ARID1B: variants seen among roughly 807,000 people sequenced by gnomAD.
ARID1B encodes the protein AT-rich interaction domain 1B.
In ARID1B, 30 loss-of-function variants were observed where a neutral mutation model predicts 212.3. The observed-to-expected ratio is 0.14, with a 90% CI of 0.11 to 0.19. The LOEUF (loss-of-function observed/expected upper bound fraction) is 0.19, where lower values mean the gene tolerates loss of function less well. Among genes scored for constraint, ARID1B ranks in the 10% least tolerant of loss-of-function variants. ARID1B has a pLI of 1.00. For missense variants in ARID1B, 2,891 were observed against 3,204.0 expected, an observed-to-expected ratio of 0.90 and a Z score of 2.36; for synonymous variants, 1,402 against 1,301.7, an observed-to-expected ratio of 1.08 and a Z score of -1.66.
intron 1 of ARID1B, among the ~76,000 whole-genome samples, chr6:156,807,798 T>C (rs1182826776): frequency 6.6e-6 from 1 of 152,228 alleles, no homozygotes; most frequent in African/African-American, 2.4e-5. Flanking sequence ...TTCTCAGTTG[T>C]CTAAGCAGTC....
At position 157,184,253 on chromosome 6, in the gene ARID1B, G is replaced by A. The variant is rs1240545481; in HGVS notation, c.3737G>A (p.Arg1246His). The change falls in exon 13 of 20, where the codon CGT (arginine) becomes CAT (histidine). Residue 1246 changes from arginine to histidine, a missense_variant. Around this residue, in one of 7 missense-constraint regions of ARID1B, gnomAD observed 666 missense variants for 873.5 expected, o/e 0.76. Transcript: ENST00000636930. ...TAGGTTAATAAAAACAAGAAGTGGC[G>A]TGAGCTGGCAACCAACCTAAACGTT... The part of the protein sequence containing the change: ...LAQVNKNKKW[R>H]ELATNLNVGT... The A allele has an allele frequency of 3.1e-6, 5 of 1,610,638 alleles. No individual in the cohort carries two copies. The highest frequency in any genetic ancestry group is 1.3e-5 in the African/African-American group (1 of 74,840).
At chr6:156,844,429 A>G (rs756147025) in intron 2 of ARID1B, among the ~76,000 whole-genome samples, 2 of 152,242 alleles carry the variant, frequency 1.3e-5, no homozygotes, top group South Asian at 2.1e-4. Context: ...TATGATTTCT[A>G]TTAACCTTAC....
At chr6:156,967,139 T>C (rs190860906) in intron 4 of ARID1B, among the ~76,000 whole-genome samples, 1 of 152,348 alleles carries the variant, frequency 6.6e-6, no homozygotes, top group Admixed American at 6.5e-5. Context: ...TTACTAGAGA[T>C]ATATAAACCT....
intron 2 of ARID1B, among the ~76,000 whole-genome samples, chr6:156,838,086 C>T (rs1783637439): frequency 1.3e-5 from 2 of 152,140 alleles, no homozygotes; most frequent in African/African-American, 4.8e-5. Context: ...CCAAATTCAT[C>T]TCCCTTTATT....
At position 157,206,687 on chromosome 6, in the gene ARID1B, C is replaced by A. The variant is rs202194222; in HGVS notation, c.5915C>A (p.Pro1972His). 38 of 1,612,854 alleles carry A rather than the reference C, an allele frequency of 2.4e-5. No individual in the cohort carries two copies. The highest frequency in any genetic ancestry group is 3.3e-5 in the Admixed American group (2 of 60,024). The change falls in exon 20 of 20, where the codon CCC (proline) becomes CAC (histidine). Residue 1972 changes from proline to histidine, a missense_variant. Physicochemically the swap from Pro to His is moderately conservative, Grantham distance 77. Coordinates refer to ENST00000636930, the MANE Select transcript of ARID1B (RefSeq NM_001374828.1). This position sits in a 1 kb window ranked among gnomAD's most constrained non-coding sequence, Gnocchi z 6.8. The part of the protein sequence containing the change: ...EIPPRRRPPP[P>H]LSSAGRKKEQ... ...CCTCCTCGCAGGCGCCCACCTCCCC[C>A]CTTAAGCTCCGCAGGTAGAAAGAAA...
intron 2 of ARID1B, among the ~76,000 whole-genome samples, chr6:156,867,811 C>T (rs1054740159): frequency 7.9e-5 from 12 of 152,170 alleles, no homozygotes; most frequent in African/African-American, 2.9e-4. Flanking sequence ...TCAGGCTGTT[C>T]ATTGGAGTTC....
chr6:156,803,937 T>TA (rs1175725476), intron 1 of ARID1B, among the ~76,000 whole-genome samples: 26 of 152,208 alleles, frequency 1.7e-4, no homozygotes, highest in Admixed American at 3.3e-4. Context: ...GTAAAGCATA[T>TA]AGCTTTACAT....
intron 2 of ARID1B, among the ~76,000 whole-genome samples, chr6:156,873,097 G>A (rs982320025): frequency 1.3e-5 from 2 of 152,134 alleles, no homozygotes; most frequent in Admixed American, 1.3e-4. Flanking sequence ...CTACAAGCAC[G>A]CCAGCAGCCC....
rs1030733491 is a variant in ARID1B, at chr6:157,131,306, T to A, written c.2582-1722T>A. 4.6e-5 allele frequency among the ~76,000 whole-genome samples: 7 copies of A among 152,178 alleles called. 1 individual carries two copies. The East Asian group carries it at 1.4e-3, about 29-fold the overall frequency. On this transcript the variant is annotated intron_variant, in intron 6 of 19. Transcript: ENST00000636930. The stretch of plus-strand genomic sequence containing the variant: ...CTAATGTTTTAGTGGGGAAGAGAGA[T>A]GATAAGTGAGTCAAAATAAAATAAA...
intron 4 of ARID1B, among the ~76,000 whole-genome samples, chr6:156,958,388 T>C (rs114554920): frequency 0.015 from 2,312 of 152,370 alleles, 63 homozygotes; most frequent in African/African-American, 0.053. Flanking sequence ...AAGTAGATGG[T>C]TGAGTTATAT....
At chr6:156,882,777 G>C (rs1231546185) in intron 2 of ARID1B, among the ~76,000 whole-genome samples, 1 of 151,552 alleles carries the variant, frequency 6.6e-6, no homozygotes, top group African/African-American at 2.4e-5. Context: ...TGCTATTGTC[G>C]TGAGTGCTAG....
intron 3 of ARID1B, among the ~76,000 whole-genome samples, chr6:156,913,213 TTTTC>T (rs1319070128): frequency 3.3e-5 from 4 of 120,678 alleles, no homozygotes; most frequent in African/African-American, 1.5e-4. Flanking sequence ...ACATTTTTCT[TTTTC>T]TTTTTTTTTT....
chr6:157,064,775 G>C (rs1475718096), intron 4 of ARID1B, among the ~76,000 whole-genome samples: 1 of 152,150 alleles, frequency 6.6e-6, no homozygotes, highest in African/African-American at 2.4e-5. Context: ...GCCTCTGCCT[G>C]ATACTGCGTG....
chr6:156,811,922 A>G (rs56803060), intron 1 of ARID1B, among the ~76,000 whole-genome samples: 6,397 of 152,246 alleles, frequency 0.042, 484 homozygotes, highest in African/African-American at 0.15. Context: ...CATGACCCTT[A>G]TATTATAATA....
At chr6:157,167,745 C>T (rs1432622518) in intron 9 of ARID1B, 1 of 152,546 alleles carries the variant, frequency 6.6e-6, no homozygotes, top group African/African-American at 2.4e-5. Context: ...TCCACAGTAG[C>T]GTTCTTAAAA....
intron 4 of ARID1B, among the ~76,000 whole-genome samples, chr6:156,973,948 T>C (rs1169881707): frequency 6.6e-6 from 1 of 152,234 alleles, no homozygotes; most frequent in Non-Finnish European, 1.5e-5. Flanking sequence ...AACTTTTTCC[T>C]TGTGGAATGG....
At chr6:156,781,832 C>G (rs1483954341) in intron 1 of ARID1B, among the ~76,000 whole-genome samples, 1 of 151,996 alleles carries the variant, frequency 6.6e-6, no homozygotes, top group African/African-American at 2.4e-5. Flanking sequence ...TCTTCGTAAA[C>G]TAGAGACGAA....
chr6:157,198,889 C>T lies in ARID1B; in HGVS notation c.4461C>T (p.Gly1487=), dbSNP rs1793923243. 2 of 1,605,244 alleles carry T rather than the reference C, an allele frequency of 1.2e-6. No homozygotes were observed. Among genetic ancestry groups the T allele is most frequent in the Non-Finnish European group, 1.7e-6 (2 of 1,175,858 alleles). ...GQPPYGGHQP[G]LYPQQPNYKR... ...CGCCGTATGGAGGGCACCAGCCCGG[C>T]CTGTACCCACAGCAGCCGGTGAGTT... The change falls in exon 17 of 20, where the codon GGC becomes GGT. Residue 1487 remains glycine (G), a synonymous_variant. Transcript: ENST00000636930.
At position 156,779,117 on chromosome 6, in the gene ARID1B, C is replaced by T. The variant is rs1347923842; in HGVS notation, c.1437C>T (p.Gly479=). ...CGAGCCTCAGCAAGGCGGCCGCCGG[C>T]TCGGCGGCGGGGGGCTTCCAGCGCT... The part of the protein sequence containing the change: ...GAASLSKAAA[G]SAAGGFQRFA... Residue 479 remains glycine, a synonymous_variant, in exon 1 of 20, where the codon GGC becomes GGT. Coordinates refer to ENST00000636930, the MANE Select transcript of ARID1B (RefSeq NM_001374828.1). 4 of 1,237,214 alleles carry T rather than the reference C, an allele frequency of 3.2e-6. No individual in the cohort carries two copies. Among genetic ancestry groups the T allele is most frequent in the Admixed American group, 4.4e-5 (1 of 22,864 alleles). 76.6% of individuals were successfully genotyped at this position (1,237,214 alleles called of 1,614,324 possible).
Sources: gnomAD v4.1 joint callset for allele counts (sites outside exome capture counted in the v4.1 genomes callset) on GRCh38, gnomAD v4.1.1 for gene constraint, gnomAD v4.1.1 regional missense constraint, Gnocchi (gnomAD v3.1) non-coding constraint, MANE v1.5 for transcripts, NCBI Gene and HGNC (gene_info 2026-07-23, HGNC 2026-07-21) for gene names.